The following PTPRD variants were observed in gnomAD, a reference collection of about 807,000 sequenced individuals.
PTPRD encodes receptor-type tyrosine-protein phosphatase delta.
Under a neutral mutation model 214.5 loss-of-function variants are expected in PTPRD, and 34 were observed. The observed-to-expected ratio is 0.16, with a 90% CI of 0.12 to 0.21. PTPRD has a LOEUF of 0.21. Ranked by LOEUF, PTPRD falls within the 10% of genes least tolerant of loss-of-function variation. PTPRD has a pLI of 1.00. For missense variants in PTPRD, 2,545 were observed against 2,398.7 expected (o/e 1.06, Z -1.27); for synonymous variants, 1,128 against 845.7 (o/e 1.33, Z -5.79).
intron 7 of PTPRD, among the ~76,000 whole-genome samples, chr9:9,719,293 C>T (rs1595960365): frequency 6.6e-6 from 1 of 152,124 alleles, no homozygotes; most frequent in East Asian, 1.9e-4. Context: ...CAGTTGTCCA[C>T]ATAACCTCAT....
intron 4 of PTPRD, among the ~76,000 whole-genome samples, chr9:9,941,611 C>T (rs1465751743): frequency 1.3e-5 from 2 of 152,210 alleles, no homozygotes; most frequent in Non-Finnish European, 2.9e-5. Flanking sequence ...GCGTGAGCCA[C>T]TGAGCCCAGC....
chr9:9,540,599 G>C (rs1002746706), intron 8 of PTPRD, among the ~76,000 whole-genome samples: 1 of 151,816 alleles, frequency 6.6e-6, no homozygotes, highest in African/African-American at 2.4e-5. Flanking sequence ...TATAAAGTGG[G>C]ACTTGAAAGA....
chr9:8,727,488 A>G (rs2098597986), intron 12 of PTPRD, among the ~76,000 whole-genome samples: 1 of 152,226 alleles, frequency 6.6e-6, no homozygotes, highest in Non-Finnish European at 1.5e-5. Context: ...CACCTCTACT[A>G]ATTTAGAGAA....
At chr9:9,915,876 T>A (rs1253364242) in intron 5 of PTPRD, among the ~76,000 whole-genome samples, 1 of 151,960 alleles carries the variant, frequency 6.6e-6, no homozygotes, top group African/African-American at 2.4e-5. Context: ...TCAAAGAACT[T>A]CAGATTGATT....
intron 2 of PTPRD, among the ~76,000 whole-genome samples, chr9:10,401,400 C>G (rs2098267556): frequency 6.6e-6 from 1 of 151,074 alleles, no homozygotes; most frequent in South Asian, 2.1e-4. Context: ...GGGAGATAGT[C>G]CAGAACATGT....
chr9:10,159,685 T>A (rs1274159820), intron 3 of PTPRD, among the ~76,000 whole-genome samples: 1 of 151,572 alleles, frequency 6.6e-6, no homozygotes, highest in Non-Finnish European at 1.5e-5. Context: ...CAAACAGAAA[T>A]CTTGGAAGTG....
At chr9:10,578,983 G>A (rs1190754330) in intron 2 of PTPRD, among the ~76,000 whole-genome samples, 2 of 151,990 alleles carry the variant, frequency 1.3e-5, no homozygotes, top group Non-Finnish European at 1.5e-5. Flanking sequence ...GTATACATGT[G>A]CCATGGTGAT....
intron 2 of PTPRD, among the ~76,000 whole-genome samples, chr9:10,493,002 C>T (rs1356013136): frequency 6.6e-6 from 1 of 151,998 alleles, no homozygotes; most frequent in Non-Finnish European, 1.5e-5. Flanking sequence ...TTCACAATTG[C>T]TACAAATAGA....
intron 44 of PTPRD, among the ~76,000 whole-genome samples, chr9:8,329,647 T>G (rs969552151): frequency 6.6e-6 from 1 of 152,038 alleles, no homozygotes; most frequent in Non-Finnish European, 1.5e-5. Flanking sequence ...TTTGTCCCAG[T>G]GAGATGGGGG....
intron 9 of PTPRD, among the ~76,000 whole-genome samples, chr9:9,299,492 T>C (rs114285443): frequency 2.6e-5 from 4 of 151,864 alleles, no homozygotes; most frequent in African/African-American, 9.6e-5. Context: ...TGATTTCTAG[T>C]ATGAAGTTCT....
Position 10,161,610 on chromosome 9 carries a change from G to C in PTPRD, c.-544-127820C>G, listed in dbSNP as rs140019901. 5.4e-3 allele frequency among the ~76,000 whole-genome samples: 826 copies of C among 151,834 alleles called. 6 individuals are homozygous for C. Among genetic ancestry groups the C allele is most frequent in the African/African-American group, 0.019 (781 of 41,522 alleles). ...CTGAAACTATTATAAGAAAATTTAAGGATATGCTTCAGGGCAATGGTTTGG... is the reference window on the plus strand; with the variant it reads ...CTGAAACTATTATAAGAAAATTTAACGATATGCTTCAGGGCAATGGTTTGG... On this transcript the variant is annotated intron_variant, in intron 3 of 45. Transcript: ENST00000381196.
chr9:10,291,770 C>G (rs978831132), intron 3 of PTPRD, among the ~76,000 whole-genome samples: 1 of 151,988 alleles, frequency 6.6e-6, no homozygotes, highest in Admixed American at 6.6e-5. Flanking sequence ...TAATTTTGTG[C>G]TGTTTTAAGG....
intron 12 of PTPRD, among the ~76,000 whole-genome samples, chr9:8,723,903 T>G (rs1052383598): frequency 6.6e-6 from 1 of 152,230 alleles, no homozygotes; most frequent in African/African-American, 2.4e-5. Context: ...AAGTACTTAG[T>G]GTATCTTAAA....
chr9:8,376,103 A>G lies in PTPRD; in HGVS notation c.4507-13T>C. On this transcript the variant is annotated splice_polypyrimidine_tract_variant and intron_variant, in intron 38 of 45. Transcript: ENST00000381196. ...CACTTGAACCATTCTGTGAAATAGGAATATCAGCTGAAATTCTGTTTTCCA... is the reference window on the plus strand; with the variant it reads ...CACTTGAACCATTCTGTGAAATAGGGATATCAGCTGAAATTCTGTTTTCCA... 1.2e-6 allele frequency: 2 copies of G among 1,611,356 alleles called. No individual in the cohort carries two copies. The highest frequency in any genetic ancestry group is 1.7e-6 in the Non-Finnish European group (2 of 1,178,602).
At chr9:8,492,337 T>C (rs983305572) in intron 27 of PTPRD, among the ~76,000 whole-genome samples, 1 of 152,174 alleles carries the variant, frequency 6.6e-6, no homozygotes, top group Non-Finnish European at 1.5e-5. Context: ...CAGATCTTCA[T>C]GGGACTTGAT....
At chr9:10,066,244 C>T (rs549405959) in intron 3 of PTPRD, among the ~76,000 whole-genome samples, 3 of 151,516 alleles carry the variant, frequency 2.0e-5, no homozygotes, top group Admixed American at 6.6e-5. Flanking sequence ...TTTATCATTA[C>T]CAATAAAGCT....
At chr9:8,413,626 C>T (rs1433475300) in intron 35 of PTPRD, among the ~76,000 whole-genome samples, 3 of 152,104 alleles carry the variant, frequency 2.0e-5, no homozygotes, top group Non-Finnish European at 2.9e-5. Context: ...GGTAGCAATA[C>T]ACCATACTAA....
chr9:9,941,384 A>G (rs1243011239), intron 4 of PTPRD, among the ~76,000 whole-genome samples: 1 of 152,178 alleles, frequency 6.6e-6, no homozygotes, highest in Admixed American at 6.5e-5. Flanking sequence ...GGGCAGTGGC[A>G]TGATCTCAGC....
chr9:10,501,394 A>G (rs974710172), intron 2 of PTPRD, among the ~76,000 whole-genome samples: 7 of 151,950 alleles, frequency 4.6e-5, no homozygotes, highest in Admixed American at 4.6e-4. Flanking sequence ...ATTTTTTTCT[A>G]TAGAGTCATC....
Sources: gnomAD v4.1 joint callset for allele counts (sites outside exome capture counted in the v4.1 genomes callset) on GRCh38, gnomAD v4.1.1 for gene constraint, MANE v1.5 for transcripts, NCBI Gene and HGNC (gene_info 2026-07-23, HGNC 2026-07-21) for gene names.